The following ARRDC1 variants were observed in gnomAD, a reference collection of about 807,000 sequenced individuals.
ARRDC1 encodes arrestin domain-containing protein 1.
ARRDC1 carries 37 observed loss-of-function variants against 40.1 expected under a neutral mutation model. The observed-to-expected ratio is 0.92, with a 90% CI of 0.71 to 1.21. The LOEUF (loss-of-function observed/expected upper bound fraction) is 1.21. Ranked by LOEUF, ARRDC1 falls within the 50% of genes most tolerant of loss-of-function variation. The pLI, the probability that ARRDC1 is intolerant of heterozygous loss-of-function variation, is 0.00. For synonymous variants in ARRDC1, 310 were observed against 262.5 expected (o/e 1.18, Z -1.75); for missense variants, 641 against 581.9 (o/e 1.10, Z -1.04).
In ARRDC1 at chr9:137,614,730, G is replaced by T. The variant is rs764159010; in HGVS notation, c.967G>T (p.Ala323Ser). 1 of 1,608,872 alleles carries T rather than the reference G, an allele frequency of 6.2e-7. No individual in the cohort carries two copies. The highest frequency in any genetic ancestry group is 1.3e-5 in the African/African-American group (1 of 74,804). Residue 323 changes from alanine (A) to serine (S), a missense_variant, in exon 7 of 8, where the codon GCT becomes TCT. Coordinates refer to ENST00000371421, the MANE Select transcript of ARRDC1 (RefSeq NM_152285.4). ...GGAGGAGGCTGAGGCTGAGGCTGCG[G>T]CTGGCGGCCCCCACTTCTTGGACCC... ...PQEEAEAEAAAGGPHFLDPVF... is the reference protein window; with the variant it reads ...PQEEAEAEAASGGPHFLDPVF...
Position 137,614,223 on chromosome 9 carries a change from C to A in ARRDC1, c.618+9C>A, listed in dbSNP as rs1044030842. 3.8e-6 allele frequency: 6 copies of A among 1,584,822 alleles called. No homozygotes were observed. Among genetic ancestry groups the A allele is most frequent in the Non-Finnish European group, 5.2e-6 (6 of 1,161,760 alleles). ...TGGCCAGTCTGCTGCAGGTCAGAGC[C>A]CCCGCCAGTTGCCTGGACCGGCCTC... is the stretch of plus-strand genomic sequence containing the variant. On this transcript the variant is annotated intron_variant, in intron 5 of 7. Coordinates refer to ENST00000371421, the MANE Select transcript of ARRDC1 (RefSeq NM_152285.4).
chr9:137,609,630 G>A (rs1842478810), intron 1 of ARRDC1, among the ~76,000 whole-genome samples: 1 of 151,270 alleles, frequency 6.6e-6, no homozygotes, highest in African/African-American at 2.4e-5. Flanking sequence ...CTTCCTCCGG[G>A]GCTCCCACCA....
chr9:137,610,177 C>T (rs868275856), intron 1 of ARRDC1, among the ~76,000 whole-genome samples: 7 of 152,264 alleles, frequency 4.6e-5, no homozygotes, highest in South Asian at 2.1e-4. Flanking sequence ...ACGTAAAAGT[C>T]GCGGTCACCT....
At position 137,615,221 on chromosome 9, in the gene ARRDC1, A is replaced by AG; in HGVS notation, c.*84dup. On this transcript the variant is annotated 3_prime_UTR_variant, in exon 8 of 8. Coordinates refer to ENST00000371421, the MANE Select transcript of ARRDC1 (RefSeq NM_152285.4). ...GGCCTCGTGCCTTCTCTCTTGGCCTAGCCTGGCCCACTCAGGACCTGCCCA... is the reference window on the plus strand; with the variant it reads ...GGCCTCGTGCCTTCTCTCTTGGCCTAGGCCTGGCCCACTCAGGACCTGCCCA... The AG allele has an allele frequency of 7.6e-7, 1 of 1,308,234 alleles. No homozygotes were observed. The highest frequency in any genetic ancestry group is 1.0e-6 in the Non-Finnish European group (1 of 984,904). 81.0% of individuals were successfully genotyped at this position (1,308,234 alleles called of 1,614,324 possible).
Position 137,613,510 on chromosome 9 carries a change from G to T in ARRDC1, c.280G>T (p.Ala94Ser). 6.2e-7 allele frequency: 1 copy of T among 1,613,784 alleles called. No homozygotes were observed. Among genetic ancestry groups the T allele is most frequent in the Non-Finnish European group, 8.5e-7 (1 of 1,179,956 alleles). ...HSFPFQFLLP[A>S]TAPTSFEGPF... ...CTTCCCCTTCCAGTTCCTGCTTCCTGGTGAGAGCCCAGCCTGGACAGGCCT... is the reference window on the plus strand; with the variant it reads ...CTTCCCCTTCCAGTTCCTGCTTCCTTGTGAGAGCCCAGCCTGGACAGGCCT... The change falls in exon 3 of 8, where the codon GCC becomes TCC. Residue 94 changes from alanine to serine, a missense_variant and splice_region_variant. Transcript: ENST00000371421.
chr9:137,614,713 C>G lies in ARRDC1; in HGVS notation c.950C>G (p.Ala317Gly), dbSNP rs771720560. ...VVPSAPPQEE[A>G]EAEAAAGGPH... is the part of the protein sequence containing the mutation. ...CCTTCCGCACCACCCCAGGAGGAGG[C>G]TGAGGCTGAGGCTGCGGCTGGCGGC... The change falls in exon 7 of 8, where the codon GCT (alanine) becomes GGT (glycine). Residue 317 changes from alanine (A) to glycine (G), a missense_variant. Ala to Gly is a moderately conservative substitution (Grantham distance 60, BLOSUM62 0). Transcript: ENST00000371421. 1 of 1,608,510 alleles carries G rather than the reference C, an allele frequency of 6.2e-7. No individual in the cohort carries two copies. The highest frequency in any genetic ancestry group is 1.1e-5 in the South Asian group (1 of 90,790).
At position 137,614,482 on chromosome 9, in the gene ARRDC1, T is replaced by C; in HGVS notation, c.795+7T>C. On this transcript the variant is annotated splice_region_variant and intron_variant, in intron 6 of 7. Coordinates refer to ENST00000371421, the MANE Select transcript of ARRDC1 (RefSeq NM_152285.4). ...CATCGACTACTACTTACAGGTTTGG[T>C]GCTGCTGGGGGCTGGGTGGTCTGAG... 6.2e-7 allele frequency: 1 copy of C among 1,613,236 alleles called. No individual in the cohort carries two copies. Among genetic ancestry groups the C allele is most frequent in the South Asian group, 1.1e-5 (1 of 91,078 alleles).
rs1330514850 is a variant in ARRDC1 at position 137,614,234 on chromosome 9, G to A, written c.618+20G>A. On this transcript the variant is annotated intron_variant, in intron 5 of 7. Transcript: ENST00000371421. ...CTGCAGGTCAGAGCCCCCGCCAGTT[G>A]CCTGGACCGGCCTCCTGGGGTGGGC... is the stretch of plus-strand genomic sequence containing the variant. 2 of 1,578,456 alleles carry A rather than the reference G, an allele frequency of 1.3e-6. No individual in the cohort carries two copies. Among genetic ancestry groups the A allele is most frequent in the South Asian group, 2.3e-5 (2 of 85,992 alleles).
At position 137,607,590 on chromosome 9, in the gene ARRDC1, G is replaced by A. The variant is rs367545475; in HGVS notation, c.118+1755G>A. ...ACCAGGGCCGACAGTGGTTCTCGGA[G>A]CACTCATGGTGGGCCCGATGCAATT... On this transcript the variant is annotated intron_variant, in intron 1 of 7. Coordinates refer to ENST00000371421, the MANE Select transcript of ARRDC1 (RefSeq NM_152285.4). Among the ~76,000 whole-genome samples, 20 of 152,358 alleles carry A rather than the reference G, an allele frequency of 1.3e-4. No homozygotes were observed. The East Asian group carries it at 1.7e-3, about 13-fold the overall frequency.
Position 137,613,453 on chromosome 9 carries a change from T to TCTGCAGGGAGCCTGCCC in ARRDC1, c.230-6_240dup. On this transcript the variant is annotated splice_region_variant and splice_polypyrimidine_tract_variant and intron_variant, in intron 2 of 7. Transcript: ENST00000371421. ...GACTGCCCCCCACCTCCCTCCTGTC[T>TCTGCAGGGAGCCTGCCC]CTGCAGGGAGCCTGCCCGCTGGAGA... The TCTGCAGGGAGCCTGCCC allele has an allele frequency of 6.2e-7, 1 of 1,610,834 alleles. No homozygotes were observed.
At chr9:137,606,463 T>C (rs576171644) in intron 1 of ARRDC1, among the ~76,000 whole-genome samples, 35 of 152,374 alleles carry the variant, frequency 2.3e-4, no homozygotes, top group African/African-American at 8.2e-4. Flanking sequence ...CTTGGCCTCC[T>C]GTGGGAACCA....
rs144526192 is a variant in ARRDC1 at position 137,614,076 on chromosome 9, G to A, written c.480G>A (p.Leu160=). 1 of 1,613,858 alleles carries A rather than the reference G, an allele frequency of 6.2e-7. No individual in the cohort carries two copies. The highest frequency in any genetic ancestry group is 8.5e-7 in the Non-Finnish European group (1 of 1,179,990). ...ASATKKFSYK[L]VKTGSVVLTA... ...CCACCAAGAAGTTCTCCTACAAGCT[G>A]GTGAAGACGGGCAGCGTGGTCCTCA... Residue 160 remains leucine (L), a synonymous_variant, in exon 5 of 8, where the codon CTG becomes CTA. Transcript: ENST00000371421.
chr9:137,613,251 A>G, intron 2 of ARRDC1: 1 of 751,004 alleles, frequency 1.3e-6, no homozygotes, highest in Non-Finnish European at 2.3e-6. Context: ...CCCTTGCCCC[A>G]TTCCCAAACC....
chr9:137,614,420 T>G lies in ARRDC1; in HGVS notation c.740T>G (p.Leu247Trp). 6.2e-7 allele frequency: 1 copy of G among 1,613,224 alleles called. No homozygotes were observed. The highest frequency in any genetic ancestry group is 8.5e-7 in the Non-Finnish European group (1 of 1,179,930). Residue 247 changes from leucine to tryptophan, a missense_variant, in exon 6 of 8, where the codon TTG (leucine) becomes TGG (tryptophan). Transcript: ENST00000371421. ...CACGAGCAGATCCTGGTGCCTGCCT[T>G]GCCCCAGTCGGCCCTGCCGGGCTGC... is the stretch of plus-strand genomic sequence containing the variant. ...QWHEQILVPA[L>W]PQSALPGCSL...
chr9:137,612,731 G>C (rs111801937), intron 1 of ARRDC1, 165 bp from the exon 2 acceptor site: 2 of 593,146 alleles, frequency 3.4e-6, no homozygotes, highest in Non-Finnish European at 3.0e-6. Context: ...CAAGACAGGA[G>C]ATGGGCAGAT....
At chr9:137,613,565 G>T in intron 3 of ARRDC1, 50 bp from the exon 4 acceptor site, 1 of 1,614,050 alleles carries the variant, frequency 6.2e-7, no homozygotes, top group Non-Finnish European at 8.5e-7. Context: ...TGGGAGGTGG[G>T]CTCTGCAGGG....
chr9:137,612,924 C>CGG lies in ARRDC1; in HGVS notation c.150_151dup (p.Val51GlyfsTer12), dbSNP rs772141121. On this transcript the variant is annotated frameshift_variant, in exon 2 of 8. Coordinates refer to ENST00000371421, the MANE Select transcript of ARRDC1 (RefSeq NM_152285.4). LOFTEE classifies it high-confidence loss of function. ...TCCGGGTGACCTGCATAGGTTCCTGCGGGGTCTCCAACAAGGCTAATGACA... is the reference window on the plus strand; with the variant it reads ...TCCGGGTGACCTGCATAGGTTCCTGCGGGGGGTCTCCAACAAGGCTAATGACA... 1 of 1,614,048 alleles carries CGG rather than the reference C, an allele frequency of 6.2e-7. No individual in the cohort carries two copies. Among genetic ancestry groups the CGG allele is most frequent in the Non-Finnish European group, 8.5e-7 (1 of 1,179,942 alleles).
chr9:137,608,603 C>T (rs985122646), intron 1 of ARRDC1, among the ~76,000 whole-genome samples: 5 of 152,278 alleles, frequency 3.3e-5, no homozygotes, highest in Non-Finnish European at 5.9e-5. Flanking sequence ...GGCAGAACTG[C>T]ATCCTGTGGT....
Position 137,615,164 on chromosome 9 carries a change from C to A in ARRDC1, c.*26C>A. 1 of 1,509,698 alleles carries A rather than the reference C, an allele frequency of 6.6e-7. No homozygotes were observed. Among genetic ancestry groups the A allele is most frequent in the South Asian group, 1.3e-5 (1 of 75,244 alleles). The allele number at this position is 1,509,698 out of a possible 1,614,324, so 93.5% of individuals were successfully genotyped here. A position where few individuals can be genotyped will look rare whatever the true frequency, so the allele number is the denominator to read the frequency against. On this transcript the variant is annotated 3_prime_UTR_variant, in exon 8 of 8. Coordinates refer to ENST00000371421, the MANE Select transcript of ARRDC1 (RefSeq NM_152285.4). ...CCCCGTGCTGCCTTCTCCAGGCAGG[C>A]CTGGCCTCTGCCCTGGGACTGGGGC...
Sources: gnomAD v4.1 joint callset for allele counts (sites outside exome capture counted in the v4.1 genomes callset) on GRCh38, gnomAD v4.1.1 for gene constraint, MANE v1.5 for transcripts, NCBI Gene and HGNC (gene_info 2026-07-23, HGNC 2026-07-21) for gene names.